The following AK2 variants were observed in gnomAD, a reference collection of about 807,000 sequenced individuals.
AK2 encodes the protein adenylate kinase 2, mitochondrial.
A neutral mutation model predicts 24.6 loss-of-function variants in AK2; 15 were observed. The ratio of observed to expected loss-of-function variants is 0.61; its 90% CI spans 0.41 to 0.94. AK2 has a LOEUF of 0.94. Among genes scored for constraint, AK2 ranks in the 40% least tolerant of loss-of-function variants. The pLI, the probability that AK2 is intolerant of heterozygous loss-of-function variation, is 0.00. For missense variants in AK2, 257 were observed against 304.1 expected (o/e 0.85, Z 1.15); for synonymous variants, 102 against 114.0 (o/e 0.90, Z 0.67).
At position 33,011,520 on chromosome 1, in the gene AK2, C is replaced by T. The variant is rs945614930; in HGVS notation, c.*1661G>A. 1 of 1,287,468 alleles carries T rather than the reference C, an allele frequency of 7.8e-7. No individual in the cohort carries two copies. Among genetic ancestry groups the T allele is most frequent in the Non-Finnish European group, 1.0e-6 (1 of 988,876 alleles). The allele number at this position is 1,287,468 out of a possible 1,614,324, so 79.8% of individuals were successfully genotyped here. A position where few individuals can be genotyped will look rare whatever the true frequency, so the allele number is the denominator to read the frequency against. On this transcript the variant is annotated 3_prime_UTR_variant, in exon 6 of 6. Coordinates refer to ENST00000672715, the MANE Select transcript of AK2 (RefSeq NM_001625.4). The stretch of plus-strand genomic sequence containing the variant: ...GTTGCCATGTGGACAGCAGATAAGA[C>T]CTCTGGTAGTCTCACAGATGGCAGG...
chr1:33,013,541 C>T (rs1199136114), intron 5 of AK2, 139 bp from the exon 6 acceptor site: 1 of 1,457,690 alleles, frequency 6.9e-7, no homozygotes, highest in Admixed American at 2.0e-5. Flanking sequence ...CAAAGACAGG[C>T]AATCCAGACC....
chr1:33,010,637 C>G lies in AK2; in HGVS notation c.*2544G>C. ...ATTTTTCCCTTACACTTTAAAAACT[C>G]TCACCTATGTATAAAAGAAACTGCC... On this transcript the variant is annotated 3_prime_UTR_variant, in exon 6 of 6. Coordinates refer to ENST00000672715, the MANE Select transcript of AK2 (RefSeq NM_001625.4). 6.7e-7 allele frequency: 1 copy of G among 1,486,176 alleles called. No individual in the cohort carries two copies. Among genetic ancestry groups the G allele is most frequent in the Non-Finnish European group, 9.2e-7 (1 of 1,089,664 alleles). The allele number at this position is 1,486,176 out of a possible 1,614,324, so 92.1% of individuals were successfully genotyped here. A position where few individuals can be genotyped will look rare whatever the true frequency, so the allele number is the denominator to read the frequency against.
intron 4 of AK2, chr1:33,020,092 T>C: frequency 1.3e-6 from 2 of 1,535,300 alleles, no homozygotes; most frequent in Non-Finnish European, 1.7e-6. Flanking sequence ...TAGAGACAAC[T>C]GTAGGCTAAA....
chr1:33,034,421 G>T (rs1484084198), intron 1 of AK2, among the ~76,000 whole-genome samples: 1 of 150,470 alleles, frequency 6.6e-6, no homozygotes, highest in Non-Finnish European at 1.5e-5. Flanking sequence ...CTATATAGCA[G>T]GCTGTCATCT....
intron 2 of AK2, among the ~76,000 whole-genome samples, chr1:33,023,611 TAAG>T (rs888582541): frequency 2.4e-4 from 36 of 152,032 alleles, no homozygotes; most frequent in Middle Eastern, 3.4e-3. Context: ...CGTCCCCAGA[TAAG>T]AAGGATTACC....
rs1434660123 is a variant in AK2 at position 33,008,619 on chromosome 1, C to T, written c.*4562G>A. On this transcript the variant is annotated 3_prime_UTR_variant, in exon 6 of 6. Coordinates refer to ENST00000672715, the MANE Select transcript of AK2 (RefSeq NM_001625.4). ...CGGATAAGTGTTAGAGACTGTGTTT[C>T]AGTCCTGACTGCCTCTTATGCATGA... 6.6e-6 allele frequency: 3 copies of T among 454,004 alleles called. No individual in the cohort carries two copies. Among genetic ancestry groups the T allele is most frequent in the Non-Finnish European group, 1.3e-5 (3 of 226,794 alleles). The allele number at this position is 454,004 out of a possible 1,614,324, so 28.1% of individuals were successfully genotyped here. A position where few individuals can be genotyped will look rare whatever the true frequency, so the allele number is the denominator to read the frequency against.
Position 33,013,554 on chromosome 1 carries a change from C to T in AK2, c.499-152G>A, listed in dbSNP as rs938904004. On this transcript the variant is annotated intron_variant, in intron 5 of 5. Transcript: ENST00000672715. ...GACAAAGACAGGCAATCCAGACCCT[C>T]TCCAGTGAAGAACTTTGCTACTCCC... 8 of 1,418,298 alleles carry T rather than the reference C, an allele frequency of 5.6e-6. No individual in the cohort carries two copies. The African/African-American group carries it at 8.6e-5, about 15-fold the overall frequency. 87.9% of individuals were successfully genotyped at this position (1,418,298 alleles called of 1,614,324 possible). A position where few individuals can be genotyped will look rare whatever the true frequency, so the allele number is the denominator to read the frequency against.
In AK2 at chr1:33,010,754, C is replaced by T; in HGVS notation, c.*2427G>A. ...TCCTCACCCTGACCACCCTTCCCCT[C>T]TGCCCAGCACCTAAGAGCAGGGATC... is the stretch of plus-strand genomic sequence containing the variant. On this transcript the variant is annotated 3_prime_UTR_variant, in exon 6 of 6. Coordinates refer to ENST00000672715, the MANE Select transcript of AK2 (RefSeq NM_001625.4). The T allele has an allele frequency of 6.2e-7, 1 of 1,614,298 alleles. No individual in the cohort carries two copies. Among genetic ancestry groups the T allele is most frequent in the African/African-American group, 1.3e-5 (1 of 75,090 alleles).
intron 1 of AK2, among the ~76,000 whole-genome samples, chr1:33,035,942 A>C (rs1353526828): frequency 6.6e-6 from 1 of 152,226 alleles, no homozygotes; most frequent in African/African-American, 2.4e-5. Flanking sequence ...AAAGGGAAGG[A>C]AGATACAAAC....
chr1:33,028,416 A>C (rs574619455), intron 1 of AK2, among the ~76,000 whole-genome samples: 28 of 152,014 alleles, frequency 1.8e-4, no homozygotes, highest in African/African-American at 6.5e-4. Context: ...AATCGCTTAA[A>C]ACTGGGAGGC....
At position 33,012,782 on chromosome 1, in the gene AK2, A is replaced by T; in HGVS notation, c.*399T>A. ...TGTTGTGGCATGCACCTGTAGTCCC[A>T]GCTGCTCAGGAGGCTGAGGTGGGAT... is the stretch of plus-strand genomic sequence containing the variant. On this transcript the variant is annotated 3_prime_UTR_variant, in exon 6 of 6. Coordinates refer to ENST00000672715, the MANE Select transcript of AK2 (RefSeq NM_001625.4). 2.0e-6 allele frequency: 2 copies of T among 990,398 alleles called. No homozygotes were observed. The allele number at this position is 990,398 out of a possible 1,614,324, so 61.4% of individuals were successfully genotyped here.
Position 33,010,851 on chromosome 1 carries a change from C to T in AK2, c.*2330G>A. 7 of 1,597,184 alleles carry T rather than the reference C, an allele frequency of 4.4e-6. No homozygotes were observed. Among genetic ancestry groups the T allele is most frequent in the Non-Finnish European group, 6.0e-6 (7 of 1,173,276 alleles). ...ATACTAGGCTGAAATAGAGAGGAAA[C>T]AAGAGAGAACAAAATGGGTTTTTAA... On this transcript the variant is annotated 3_prime_UTR_variant, in exon 6 of 6. Transcript: ENST00000672715.
intron 1 of AK2, among the ~76,000 whole-genome samples, chr1:33,026,769 T>C (rs929086815): frequency 2.0e-5 from 3 of 149,612 alleles, no homozygotes; most frequent in African/African-American, 4.9e-5. Flanking sequence ...GACTGCGCCA[T>C]TGCACTCCAG....
At chr1:33,032,974 T>C (rs1266407883) in intron 1 of AK2, among the ~76,000 whole-genome samples, 3 of 151,970 alleles carry the variant, frequency 2.0e-5, no homozygotes, top group African/African-American at 7.3e-5. Flanking sequence ...CCATCCTGGC[T>C]AACACAGTGA....
At chr1:33,028,981 T>C (rs1288002896) in intron 1 of AK2, among the ~76,000 whole-genome samples, 1 of 152,216 alleles carries the variant, frequency 6.6e-6, no homozygotes, top group Non-Finnish European at 1.5e-5. Context: ...CTACCGTTTA[T>C]TCACTGTGTC....
chr1:33,017,924 C>T (rs1639296345), intron 4 of AK2, among the ~76,000 whole-genome samples: 1 of 152,092 alleles, frequency 6.6e-6, no homozygotes, highest in Admixed American at 6.5e-5. Flanking sequence ...CCACACCTGG[C>T]TAACTTTTTT....
chr1:33,031,205 C>T (rs150961302), intron 1 of AK2: 13 of 157,660 alleles, frequency 8.2e-5, no homozygotes, highest in African/African-American at 2.9e-4. Flanking sequence ...CCACCTGGCA[C>T]CCTGCACTTG....
intron 1 of AK2, among the ~76,000 whole-genome samples, chr1:33,034,748 T>G (rs941295802): frequency 2.0e-5 from 3 of 152,138 alleles, no homozygotes; most frequent in African/African-American, 7.2e-5. Flanking sequence ...TTAACTTCAA[T>G]ATGAGTTAAG....
rs780902116 is a variant in AK2, at chr1:33,009,719, C to T, written c.*3462G>A. ...GTGCTATCTCCACTAGACCAAGCTG[C>T]CTTGTCTCTGGGCTCAAGAGAAGCC... On this transcript the variant is annotated 3_prime_UTR_variant, in exon 6 of 6. Transcript: ENST00000672715. 1.8e-5 allele frequency: 8 copies of T among 454,132 alleles called. 1 individual carries two copies. The highest frequency in any genetic ancestry group is 9.3e-5 in the South Asian group (6 of 64,476). The allele number at this position is 454,132 out of a possible 1,614,324, so 28.1% of individuals were successfully genotyped here.
Sources: allele counts gnomAD v4.1 joint callset (sites outside exome capture counted in the v4.1 genomes callset), GRCh38; gene constraint gnomAD v4.1.1; transcripts MANE v1.5; gene names NCBI Gene and HGNC (gene_info 2026-07-23, HGNC 2026-07-21).